Variants in DIP2C observed in about 807,000 individuals in gnomAD.
The protein encoded by DIP2C is DIP2 acetate--CoA ligase C (putative), also known as disco-interacting protein 2 homolog C.
A neutral mutation model predicts 192.4 loss-of-function variants in DIP2C; 33 were observed. The observed-to-expected ratio is 0.17, with a 90% confidence interval of 0.13 to 0.23. The LOEUF (loss-of-function observed/expected upper bound fraction) is 0.23. DIP2C is among the 10% of genes least tolerant of loss of function. DIP2C has a pLI of 1.00. For missense variants in DIP2C, 1,537 were observed against 2,110.1 expected (o/e 0.73, Z 5.32); for synonymous variants, 979 against 864.1 (o/e 1.13, Z -2.33).
chr10:274,717 T>C lies in DIP2C; in HGVS notation c.*2608A>G, dbSNP rs1954425381. On this transcript the variant is annotated 3_prime_UTR_variant, in exon 37 of 37. Transcript: ENST00000280886. ...GGGTAAAGTGTCAAGCAGGATTAAA[T>C]ATATATAATAAACAAGCACCATGAG... 2 of 152,178 alleles carry C rather than the reference T, an allele frequency of 1.3e-5. No homozygotes were observed. Among genetic ancestry groups the C allele is most frequent in the African/African-American group, 4.8e-5 (2 of 41,436 alleles). 9.4% of individuals were successfully genotyped at this position (152,178 alleles called of 1,614,324 possible).
chr10:497,658 T>C (rs996888080), intron 1 of DIP2C, among the ~76,000 whole-genome samples: 3 of 152,226 alleles, frequency 2.0e-5, no homozygotes, highest in Non-Finnish European at 1.5e-5. Flanking sequence ...AAGCTGAACA[T>C]GCAGCCAGGG....
At chr10:386,809 A>G (rs1962972381) in intron 14 of DIP2C, among the ~76,000 whole-genome samples, 2 of 152,236 alleles carry the variant, frequency 1.3e-5, no homozygotes, top group Admixed American at 1.3e-4. Flanking sequence ...GAAATTATTC[A>G]AAAGAAAAAT....
chr10:305,997 T>C (rs1026121483), intron 32 of DIP2C, among the ~76,000 whole-genome samples: 4 of 145,850 alleles, frequency 2.7e-5, no homozygotes, highest in Non-Finnish European at 3.0e-5. Context: ...ATATATATTA[T>C]ATTTTTTTCC....
At chr10:638,930 G>A (rs1854985326) in intron 1 of DIP2C, among the ~76,000 whole-genome samples, 1 of 152,216 alleles carries the variant, frequency 6.6e-6, no homozygotes, top group African/African-American at 2.4e-5. Flanking sequence ...CGGCCACCAG[G>A]AGGAAACACA....
At chr10:362,436 T>G in intron 22 of DIP2C, 54 bp downstream of exon 22, 1 of 1,584,168 alleles carries the variant, frequency 6.3e-7, no homozygotes, top group South Asian at 1.1e-5. Context: ...CCCAGTGCCG[T>G]GCAGCCCCAA....
intron 1 of DIP2C, among the ~76,000 whole-genome samples, chr10:551,552 G>A (rs1308332471): frequency 6.6e-6 from 1 of 152,236 alleles, no homozygotes; most frequent in Non-Finnish European, 1.5e-5. Flanking sequence ...ACCCACAAGT[G>A]CCTTCCCTCC....
At chr10:627,362 C>T (rs1854264350) in intron 1 of DIP2C, among the ~76,000 whole-genome samples, 2 of 152,338 alleles carry the variant, frequency 1.3e-5, no homozygotes, top group Admixed American at 6.5e-5. Flanking sequence ...TGTCACCAGC[C>T]GCTCTGCCGT....
At chr10:468,545 G>C (rs965267029) in intron 3 of DIP2C, among the ~76,000 whole-genome samples, 7 of 152,210 alleles carry the variant, frequency 4.6e-5, no homozygotes, top group African/African-American at 1.7e-4. Context: ...TGGATCACTT[G>C]AGGTCGGGAG....
At chr10:360,471 C>T (rs775259246) in intron 22 of DIP2C, among the ~76,000 whole-genome samples, 8 of 152,218 alleles carry the variant, frequency 5.3e-5, no homozygotes, top group Non-Finnish European at 8.8e-5. Flanking sequence ...GCAGCCGCAT[C>T]GCTGGTATTA....
At position 574,806 on chromosome 10, in the gene DIP2C, G is replaced by A. The variant is rs892165651; in HGVS notation, c.86-88276C>T. Among the ~76,000 whole-genome samples the A allele has an allele frequency of 7.2e-5, 11 of 152,312 alleles. No individual in the cohort carries two copies. In the South Asian group the frequency reaches 1.2e-3, roughly 17 times the overall value. On this transcript the variant is annotated intron_variant, in intron 1 of 36. Transcript: ENST00000280886. ...CTATGATACTAGAGGTCTTGTGCAG[G>A]ACCAGAAGCATCGCAACGCGGTTTC... is the stretch of plus-strand genomic sequence containing the variant.
chr10:513,436 C>T (rs1172498529), intron 1 of DIP2C, among the ~76,000 whole-genome samples: 4 of 152,210 alleles, frequency 2.6e-5, no homozygotes, highest in South Asian at 2.1e-4. Context: ...TGCTGCAGCC[C>T]GCACCTCTCA....
intron 1 of DIP2C, among the ~76,000 whole-genome samples, chr10:613,242 C>T (rs1372231244): frequency 6.6e-6 from 1 of 152,242 alleles, no homozygotes; most frequent in Non-Finnish European, 1.5e-5. Context: ...TGCACCTGCT[C>T]CAAGCCAGTG....
At chr10:474,006 G>C (rs1292040124) in intron 2 of DIP2C, among the ~76,000 whole-genome samples, 1 of 152,020 alleles carries the variant, frequency 6.6e-6, no homozygotes, top group Non-Finnish European at 1.5e-5. Context: ...TTTCTTTCAG[G>C]GCATCCAAAT....
intron 1 of DIP2C, among the ~76,000 whole-genome samples, chr10:670,548 C>T (rs543223413): frequency 6.6e-6 from 1 of 152,342 alleles, no homozygotes; most frequent in South Asian, 2.1e-4. Flanking sequence ...ATCACATTAA[C>T]ATCTTATCCA....
intron 10 of DIP2C, among the ~76,000 whole-genome samples, chr10:392,906 GCA>G (rs1963612605): frequency 6.6e-6 from 1 of 151,524 alleles, no homozygotes; most frequent in Non-Finnish European, 1.5e-5. Flanking sequence ...ACACAGGCGC[GCA>G]CACACACTCA....
At chr10:576,543 A>C (rs1850171845) in intron 1 of DIP2C, among the ~76,000 whole-genome samples, 2 of 152,314 alleles carry the variant, frequency 1.3e-5, no homozygotes, top group African/African-American at 2.4e-5. Context: ...AACCACATTC[A>C]TTTCAATTGT....
At position 423,014 on chromosome 10, in the gene DIP2C, T is replaced by A; in HGVS notation, c.414A>T (p.Glu138Asp). ...YTPPDTSSGS[E>D]DEGSVQGDSQ... is the part of the protein sequence containing the mutation. ...AGTCCCCCTGCACTGAGCCTTCATC[T>A]TCTGAGCCAGAAGAGGTATCTGTGT... Residue 138 changes from glutamate (E) to aspartate (D), a missense_variant, in exon 5 of 37, where the codon GAA becomes GAT. This residue lies in a region of DIP2C where 473 missense variants were observed against 539.6 expected (regional missense o/e 0.88). Transcript: ENST00000280886. The A allele has an allele frequency of 6.2e-7, 1 of 1,611,002 alleles. No homozygotes were observed. The highest frequency in any genetic ancestry group is 1.3e-5 in the African/African-American group (1 of 74,992).
chr10:580,038 C>T (rs942059997), intron 1 of DIP2C, among the ~76,000 whole-genome samples: 12 of 152,024 alleles, frequency 7.9e-5, no homozygotes, highest in African/African-American at 1.7e-4. Context: ...CATCTCTATC[C>T]AGTGTACACA....
In DIP2C at chr10:275,429, G is replaced by A. The variant is rs942388548; in HGVS notation, c.*1896C>T. The A allele has an allele frequency of 2.0e-5, 3 of 150,844 alleles. No individual in the cohort carries two copies. Among genetic ancestry groups the A allele is most frequent in the East Asian group, 3.9e-4 (2 of 5,148 alleles). The allele number at this position is 150,844 out of a possible 1,614,324, so 9.3% of individuals were successfully genotyped here. A position where few individuals can be genotyped will look rare whatever the true frequency, so the allele number is the denominator to read the frequency against. ...AATCAAATGGTTTGTGGAGATGGAA[G>A]GATGCACCACATATGCAGACACATT... is the stretch of plus-strand genomic sequence containing the variant. On this transcript the variant is annotated 3_prime_UTR_variant, in exon 37 of 37. Transcript: ENST00000280886.
Sources: allele counts gnomAD v4.1 joint callset (sites outside exome capture counted in the v4.1 genomes callset), GRCh38; gene constraint gnomAD v4.1.1; regional missense constraint gnomAD v4.1.1; transcripts MANE v1.5; gene names NCBI Gene and HGNC (gene_info 2026-07-23, HGNC 2026-07-21).